PADI4: variants seen among roughly 807,000 people sequenced by gnomAD.
PADI4 encodes protein-arginine deiminase type-4.
A neutral mutation model predicts 75.0 loss-of-function variants in PADI4; 62 were observed. The observed-to-expected ratio is 0.83, with a 90% CI of 0.67 to 1.02. The LOEUF (loss-of-function observed/expected upper bound fraction) is 1.02, where lower values mean the gene tolerates loss of function less well. Ranked by LOEUF, PADI4 falls within the 50% of genes least tolerant of loss-of-function variation. The probability of loss-of-function intolerance (pLI) is 0.00; values close to 1 mark genes in which losing one functional copy is unlikely to be tolerated. For synonymous variants in PADI4, 361 were observed against 348.1 expected (o/e 1.04, Z -0.41); for missense variants, 845 against 850.5 (o/e 0.99, Z 0.08).
Position 17,334,020 on chromosome 1 carries a change from A to T in PADI4, c.340+11A>T. 1.3e-6 allele frequency: 2 copies of T among 1,583,008 alleles called. No homozygotes were observed. The highest frequency in any genetic ancestry group is 1.7e-6 in the Non-Finnish European group (2 of 1,151,526). On this transcript the variant is annotated intron_variant, in intron 3 of 15. Coordinates refer to ENST00000375448, the MANE Select transcript of PADI4 (RefSeq NM_012387.3). Reference sequence around the variant, plus strand: ...ACCTCACCGGGGTGGGTAAGTGACAACCAGGATCCTAGAGTGCCGTCTCAT... The same window carrying T: ...ACCTCACCGGGGTGGGTAAGTGACATCCAGGATCCTAGAGTGCCGTCTCAT...
At chr1:17,349,702 C>CA (rs199868632) in intron 10 of PADI4, among the ~76,000 whole-genome samples, 2 of 79,064 alleles carry the variant, frequency 2.5e-5, no homozygotes, top group African/African-American at 3.6e-5. Flanking sequence ...AAGACTGTAT[C>CA]AAAAAAAAAA....
rs777635125 is a variant in PADI4, at chr1:17,347,972, C to T, written c.1079C>T (p.Pro360Leu). 4 of 1,603,264 alleles carry T rather than the reference C, an allele frequency of 2.5e-6. No individual in the cohort carries two copies. The East Asian group carries it at 9.0e-5, about 36-fold the overall frequency. The change falls in exon 10 of 16, where the codon CCA becomes CTA. Residue 360 changes from proline (P) to leucine (L), a missense_variant. Physicochemically the swap from Pro to Leu is moderately conservative, Grantham distance 98 (BLOSUM62 -3). Coordinates refer to ENST00000375448, the MANE Select transcript of PADI4 (RefSeq NM_012387.3). ...ATGGAGATCGGCTACATCCAAGCCC[C>T]ACACAAAACGCTGCCCGTGGTCTTC... ...DEMEIGYIQA[P>L]HKTLPVVFDS...
chr1:17,308,554 T>C (rs1456761059), intron 1 of PADI4, among the ~76,000 whole-genome samples: 2 of 152,238 alleles, frequency 1.3e-5, no homozygotes, highest in African/African-American at 2.4e-5. Context: ...AGATAAATTA[T>C]TATGGGGCAA....
chr1:17,316,761 C>T (rs1168726343), intron 1 of PADI4, among the ~76,000 whole-genome samples: 1 of 151,538 alleles, frequency 6.6e-6, no homozygotes, highest in Non-Finnish European at 1.5e-5. Context: ...AATAACACCC[C>T]TGCCCAAAAA....
In PADI4 at chr1:17,336,189, C is replaced by T. The variant is rs571787244; in HGVS notation, c.371C>T (p.Thr124Ile). The change falls in exon 4 of 16, where the codon ACC becomes ATC. Residue 124 changes from threonine to isoleucine, a missense_variant. Thr to Ile is a moderately conservative substitution (Grantham distance 89, BLOSUM62 -1). Transcript: ENST00000375448. ...TCCTTGTGCGCAGACATCACCCGCA[C>T]CGGCAAAGTGAAGCCAACCAGAGCT... The part of the protein sequence containing the change: ...EISLCADITR[T>I]GKVKPTRAVK... 2 of 1,613,530 alleles carry T rather than the reference C, an allele frequency of 1.2e-6. No individual in the cohort carries two copies. Among genetic ancestry groups the T allele is most frequent in the Non-Finnish European group, 1.7e-6 (2 of 1,179,576 alleles).
Position 17,360,059 on chromosome 1 carries a change from G to T in PADI4, c.1758+651G>T, listed in dbSNP as rs571320583. 4.6e-4 allele frequency among the ~76,000 whole-genome samples: 70 copies of T among 152,296 alleles called. 1 individual carries two copies. The highest frequency in any genetic ancestry group is 1.6e-3 in the African/African-American group (65 of 41,570). On this transcript the variant is annotated intron_variant, in intron 15 of 15. Coordinates refer to ENST00000375448, the MANE Select transcript of PADI4 (RefSeq NM_012387.3). ...AATCCTAGCACCTTAGTAGGCCAGA[G>T]CGGGTGGATCACTTGAGGTCAGGAG...
intron 10 of PADI4, among the ~76,000 whole-genome samples, chr1:17,352,723 A>T (rs1285146688): frequency 6.6e-6 from 1 of 151,932 alleles, no homozygotes; most frequent in Non-Finnish European, 1.5e-5. Context: ...ATGGAGAATG[A>T]GGGGGTGGGA....
intron 11 of PADI4, 21 bp from the exon 12 acceptor site, chr1:17,355,962 C>A (rs2074751889): frequency 6.2e-7 from 1 of 1,613,962 alleles, no homozygotes; most frequent in Non-Finnish European, 8.5e-7. Flanking sequence ...CGATAACACC[C>A]CTTTAACCCT....
rs78305185 is a variant in PADI4 at position 17,353,738 on chromosome 1, C to T, written c.1156-795C>T. 3.5e-3 allele frequency among the ~76,000 whole-genome samples: 525 copies of T among 152,146 alleles called. 4 individuals carry two copies. Among genetic ancestry groups the T allele is most frequent in the African/African-American group, 0.012 (489 of 41,494 alleles). ...GATTATCCTGGTTTATCCTGGAATG[C>T]GGGAGGGCCTGTGATGATGGAAGCA... On this transcript the variant is annotated intron_variant, in intron 10 of 15. Coordinates refer to ENST00000375448, the MANE Select transcript of PADI4 (RefSeq NM_012387.3).
intron 4 of PADI4, among the ~76,000 whole-genome samples, chr1:17,336,584 A>T (rs1000251214): frequency 3.3e-5 from 5 of 152,200 alleles, no homozygotes; most frequent in African/African-American, 1.2e-4. Flanking sequence ...AGAGCTGTCT[A>T]CATGGGGGAA....
rs1051279748 is a variant in PADI4, at chr1:17,340,079, C to T, written c.652+266C>T. Among the ~76,000 whole-genome samples, 4 of 151,680 alleles carry T rather than the reference C, an allele frequency of 2.6e-5. No homozygotes were observed. In the East Asian group the frequency reaches 5.8e-4, roughly 22 times the overall value. ...ACACACACACACACACACACACACACCTCCTGGTTATAGACTTTGAGTGCA... is the reference window on the plus strand; with the variant it reads ...ACACACACACACACACACACACACATCTCCTGGTTATAGACTTTGAGTGCA... On this transcript the variant is annotated intron_variant, in intron 6 of 15. Coordinates refer to ENST00000375448, the MANE Select transcript of PADI4 (RefSeq NM_012387.3).
At chr1:17,316,263 G>A (rs2477129) in intron 1 of PADI4, among the ~76,000 whole-genome samples, 141,745 of 151,804 alleles carry the variant, frequency 0.93, 66,365 homozygotes, top group South Asian at 0.98. Flanking sequence ...GCATGGTGGT[G>A]CACGTCTGTA....
At chr1:17,311,326 C>T (rs1338227770) in intron 1 of PADI4, among the ~76,000 whole-genome samples, 1 of 152,040 alleles carries the variant, frequency 6.6e-6, no homozygotes, top group African/African-American at 2.4e-5. Flanking sequence ...CCCTGCTTCG[C>T]AGCCCACCCT....
At chr1:17,347,047 C>T (rs2074529566) in intron 9 of PADI4, among the ~76,000 whole-genome samples, 1 of 151,986 alleles carries the variant, frequency 6.6e-6, no homozygotes, top group Admixed American at 6.6e-5. Context: ...AAATGATTCT[C>T]CTGCCTCAGC....
Position 17,323,856 on chromosome 1 carries a change from C to T in PADI4, c.93-7113C>T, listed in dbSNP as rs201059925. Among the ~76,000 whole-genome samples the T allele has an allele frequency of 1.3e-3, 134 of 101,610 alleles. 1 individual carries two copies. The East Asian group carries it at 0.033, about 25-fold the overall frequency. The allele number at this position is 101,610 out of a possible 152,430, so 66.7% of individuals were successfully genotyped here. ...AAAACAAGCAAACAAACAACAACAA[C>T]AACAAAAAAAACACAAACAAACAAA... On this transcript the variant is annotated intron_variant, in intron 1 of 15. Transcript: ENST00000375448.
rs776201419 is a variant in PADI4 at position 17,354,683 on chromosome 1, C to G, written c.1306C>G (p.Pro436Ala). 2.1e-5 allele frequency: 34 copies of G among 1,602,874 alleles called. No individual in the cohort carries two copies. In the African/African-American group the frequency reaches 4.1e-4, roughly 20 times the overall value. Residue 436 changes from proline (P) to alanine (A), a missense_variant, in exon 11 of 16, where the codon CCC (proline) becomes GCC (alanine). Pro to Ala is a conservative substitution (Grantham distance 27). Coordinates refer to ENST00000375448, the MANE Select transcript of PADI4 (RefSeq NM_012387.3). ...GATTCTCTTCGGGGACAGCTGTTATCCCAGGTAAGGAGGGGAGTAACAGGA... is the reference window on the plus strand; with the variant it reads ...GATTCTCTTCGGGGACAGCTGTTATGCCAGGTAAGGAGGGGAGTAACAGGA... Reference protein sequence around the residue: ...GRILFGDSCYPSNDSRQMHQA... With the variant: ...GRILFGDSCYASNDSRQMHQA...
intron 1 of PADI4, among the ~76,000 whole-genome samples, chr1:17,330,156 T>C (rs533463383): frequency 2.0e-5 from 3 of 152,242 alleles, no homozygotes; most frequent in African/African-American, 4.8e-5. Context: ...TGTGGGAGCC[T>C]TTAGTGTGCC....
intron 1 of PADI4, among the ~76,000 whole-genome samples, chr1:17,323,330 C>CCAAT (rs56184105): frequency 6.6e-6 from 1 of 151,752 alleles, no homozygotes; most frequent in Non-Finnish European, 1.5e-5. Flanking sequence ...AGCACTTTTA[C>CCAAT]TTCCTTGGTT....
chr1:17,318,793 C>A (rs2073984838), intron 1 of PADI4, among the ~76,000 whole-genome samples: 1 of 151,066 alleles, frequency 6.6e-6, no homozygotes, highest in South Asian at 2.1e-4. Flanking sequence ...TCATGCCATT[C>A]TCTTGCCTCA....
Sources: allele counts gnomAD v4.1 joint callset (sites outside exome capture counted in the v4.1 genomes callset), GRCh38; gene constraint gnomAD v4.1.1; transcripts MANE v1.5; gene names NCBI Gene and HGNC (gene_info 2026-07-23, HGNC 2026-07-21).